The following TRMT11 variants were observed in gnomAD, a reference collection of about 807,000 sequenced individuals.
The protein encoded by TRMT11 is tRNA (guanine(10)-N(2))-methyltransferase TRMT11.
A neutral mutation model predicts 62.8 loss-of-function variants in TRMT11; 53 were observed. The ratio of observed to expected loss-of-function variants is 0.84; its 90% CI spans 0.68 to 1.06. TRMT11 has a LOEUF of 1.06. TRMT11 is among the 50% of genes least tolerant of loss of function. The probability of loss-of-function intolerance (pLI) is 0.00; values close to 1 mark genes in which losing one functional copy is unlikely to be tolerated. For synonymous variants in TRMT11, 188 were observed against 190.3 expected (o/e 0.99, Z 0.10); for missense variants, 556 against 553.4 (o/e 1.00, Z -0.05).
chr6:126,090,154 CT>C (rs1425827295), intron 17 of TRMT11, among the ~76,000 whole-genome samples: 1 of 152,226 alleles, frequency 6.6e-6, no homozygotes, highest in African/African-American at 2.4e-5. Flanking sequence ...CTTTGCACCC[CT>C]ATCTCAGTTT....
chr6:126,001,078 C>G (rs1157194619), intron 7 of TRMT11, among the ~76,000 whole-genome samples: 1 of 151,998 alleles, frequency 6.6e-6, no homozygotes, highest in Non-Finnish European at 1.5e-5. Flanking sequence ...ATCCCTTTAC[C>G]CTTCAAGTAA....
chr6:126,256,162 T>G, the TRMT11 span, among the ~76,000 whole-genome samples: 1 of 152,224 alleles, frequency 6.6e-6, no homozygotes, highest in Admixed American at 6.5e-5. Flanking sequence ...GTGTTTCCAT[T>G]GGGCTACTTG....
intron 16 of TRMT11, among the ~76,000 whole-genome samples, chr6:126,052,690 GC>G (rs1776253314): frequency 1.3e-5 from 2 of 152,204 alleles, no homozygotes; most frequent in East Asian, 3.8e-4. Context: ...ACACAGAAAT[GC>G]TGCCAGGAAA....
intron 17 of TRMT11, among the ~76,000 whole-genome samples, chr6:126,111,289 C>A (rs1203541599): frequency 2.0e-5 from 3 of 152,076 alleles, no homozygotes; most frequent in African/African-American, 7.2e-5. Context: ...AGTTCTCAAG[C>A]TGCAAGGAAA....
the TRMT11 span, among the ~76,000 whole-genome samples, chr6:126,266,582 G>A: frequency 6.6e-6 from 1 of 151,932 alleles, no homozygotes; most frequent in African/African-American, 2.4e-5. Context: ...TTTGCATTGG[G>A]GTTCCTTTTT....
chr6:126,215,380 A>C, the TRMT11 span, among the ~76,000 whole-genome samples: 1 of 152,102 alleles, frequency 6.6e-6, no homozygotes, highest in South Asian at 2.1e-4. Flanking sequence ...TGTTGGGTCC[A>C]ATGTATTTAC....
Position 126,122,203 on chromosome 6 carries a change from A to C in TRMT11, c.*1823+6348A>C, listed in dbSNP as rs1290470748. On this transcript the variant is annotated intron_variant and NMD_transcript_variant, in intron 21 of 22. Coordinates refer to the TRMT11 transcript ENST00000648977. ...AGCCATGTGGAACTGGGAGCCCATT[A>C]AACCTCTTTCCTTTATAAATTACCC... Among the ~76,000 whole-genome samples the C allele has an allele frequency of 4.6e-5, 7 of 152,222 alleles. No homozygotes were observed. In the East Asian group the frequency reaches 1.4e-3, roughly 29 times the overall value.
chr6:126,225,032 G>A, the TRMT11 span, among the ~76,000 whole-genome samples: 1 of 152,116 alleles, frequency 6.6e-6, no homozygotes, highest in South Asian at 2.1e-4. Context: ...ACAGACAGAG[G>A]GGTGCTCAGA....
chr6:126,041,846 A>G (rs954192504), downstream of TRMT11, among the ~76,000 whole-genome samples: 7 of 152,150 alleles, frequency 4.6e-5, no homozygotes, highest in African/African-American at 1.7e-4. Flanking sequence ...TTGCTGGGCT[A>G]TGGTTCTGTT....
Position 126,095,137 on chromosome 6 carries a change from A to G in TRMT11, c.*1438-17729A>G, listed in dbSNP as rs1377340730. On this transcript the variant is annotated intron_variant and NMD_transcript_variant, in intron 17 of 22. Coordinates refer to the TRMT11 transcript ENST00000648977. ...TAGCATGCATCTCTAGAATTTAAGG[A>G]CAACATACTTGAGATGGCTGGATAC... 2.0e-5 allele frequency among the ~76,000 whole-genome samples: 3 copies of G among 152,232 alleles called. No homozygotes were observed. The South Asian group carries it at 6.2e-4, about 32-fold the overall frequency.
intron 17 of TRMT11, among the ~76,000 whole-genome samples, chr6:126,085,988 C>T (rs1260804317): frequency 6.6e-6 from 1 of 151,836 alleles, no homozygotes; most frequent in Non-Finnish European, 1.5e-5. Context: ...ACAAAAATGA[C>T]ACAAACAAAA....
chr6:126,036,641 G>A (rs775548350), intron 12 of TRMT11, among the ~76,000 whole-genome samples: 4 of 152,042 alleles, frequency 2.6e-5, no homozygotes, highest in Non-Finnish European at 5.9e-5. Context: ...GACAGCATCT[G>A]GACATAGCTT....
At chr6:126,264,041 G>C in the TRMT11 span, among the ~76,000 whole-genome samples, 1 of 152,126 alleles carries the variant, frequency 6.6e-6, no homozygotes, top group South Asian at 2.1e-4. Flanking sequence ...TTTGACAGCA[G>C]ATAATTGCTC....
chr6:126,227,107 T>C, the TRMT11 span, among the ~76,000 whole-genome samples: 1 of 152,258 alleles, frequency 6.6e-6, no homozygotes, highest in Non-Finnish European at 1.5e-5. Context: ...GGGTATTCTT[T>C]ATTAGCAGCA....
chr6:126,043,010 A>G (rs1050731296), downstream of TRMT11, among the ~76,000 whole-genome samples: 17 of 151,906 alleles, frequency 1.1e-4, no homozygotes, highest in Admixed American at 6.6e-4. Context: ...AAAGAGCCAA[A>G]TTGCCTTTGC....
intron 17 of TRMT11, among the ~76,000 whole-genome samples, chr6:126,074,542 G>A: frequency 6.6e-6 from 1 of 152,076 alleles, no homozygotes; most frequent in East Asian, 1.9e-4. Context: ...AAAGACACTA[G>A]GGCCTAGGAG....
chr6:126,235,522 C>G, the TRMT11 span, among the ~76,000 whole-genome samples: 1 of 152,206 alleles, frequency 6.6e-6, no homozygotes, highest in Non-Finnish European at 1.5e-5. Context: ...ACTATGCAGT[C>G]ATGCAAAAGA....
chr6:126,088,918 T>C (rs1583871539), intron 17 of TRMT11, among the ~76,000 whole-genome samples: 2 of 152,224 alleles, frequency 1.3e-5, no homozygotes, highest in South Asian at 4.1e-4. Flanking sequence ...ATATCTAAAA[T>C]AGCTAGTTAT....
chr6:126,070,551 T>C (rs535221966), intron 17 of TRMT11, among the ~76,000 whole-genome samples: 4 of 152,266 alleles, frequency 2.6e-5, no homozygotes, highest in Non-Finnish European at 5.9e-5. Flanking sequence ...ATCCCGTTAG[T>C]GGGAGGGTTT....
Sources: allele counts gnomAD v4.1 joint callset (sites outside exome capture counted in the v4.1 genomes callset), GRCh38; gene constraint gnomAD v4.1.1; transcripts MANE v1.5; gene names NCBI Gene and HGNC (gene_info 2026-07-23, HGNC 2026-07-21).